MPP7: variants seen among roughly 807,000 people sequenced by gnomAD.
MPP7 encodes the protein MAGUK p55 subfamily member 7.
MPP7 carries 60 observed loss-of-function variants against 76.5 expected under a neutral mutation model. The ratio of observed to expected loss-of-function variants is 0.78; its 90% CI spans 0.64 to 0.97. The LOEUF (loss-of-function observed/expected upper bound fraction) is 0.97, where lower values mean the gene tolerates loss of function less well. Among genes scored for constraint, MPP7 ranks in the 50% least tolerant of loss-of-function variants. MPP7 has a pLI of 0.00. For missense variants in MPP7, 641 were observed against 694.0 expected, an observed-to-expected ratio of 0.92 and a Z score of 0.86; for synonymous variants, 237 against 244.5, an observed-to-expected ratio of 0.97 and a Z score of 0.29.
intron 2 of MPP7, among the ~76,000 whole-genome samples, chr10:28,227,467 C>A (rs1838732808): frequency 6.6e-6 from 1 of 152,078 alleles, no homozygotes; most frequent in South Asian, 2.1e-4. Flanking sequence ...TCCCTTCCCC[C>A]ACCCCCAACC....
Position 28,134,733 on chromosome 10 carries a change from T to C in MPP7, c.316-3042A>G, listed in dbSNP as rs531819926. ...TAAAAAGAAACCTATGCTTAATACA[T>C]CACAGCAGAAATACAAAATGGCAAA... On this transcript the variant is annotated intron_variant, in intron 5 of 16. Transcript: ENST00000683449. 4.3e-4 allele frequency among the ~76,000 whole-genome samples: 65 copies of C among 152,046 alleles called. 1 individual carries two copies. The South Asian group carries it at 0.012, about 27-fold the overall frequency.
In MPP7 at chr10:28,051,035, G is replaced by A. The variant is rs1851341809; in HGVS notation, c.*3030C>T. 6.6e-6 allele frequency: 1 copy of A among 152,134 alleles called. No homozygotes were observed. The highest frequency in any genetic ancestry group is 2.1e-4 in the South Asian group (1 of 4,822). 9.4% of individuals were successfully genotyped at this position (152,134 alleles called of 1,614,324 possible). ...TGAAATTTAATTTTAGACATGGCAA[G>A]TTCAATTACATCACTTCATATCACA... On this transcript the variant is annotated 3_prime_UTR_variant, in exon 17 of 17. Transcript: ENST00000683449.
At chr10:28,227,050 C>T (rs1342243726) in intron 2 of MPP7, among the ~76,000 whole-genome samples, 1 of 152,192 alleles carries the variant, frequency 6.6e-6, no homozygotes, top group Non-Finnish European at 1.5e-5. Context: ...AAAGAATACT[C>T]AGTGATTTTC....
rs1367007549 is a variant in MPP7, at chr10:28,124,128, G to A, written c.530-12C>T. ...AACATGAATAAGACCTGAGAAATAG[G>A]AGATTTGGTAAATTAGCAGTGTTAC... On this transcript the variant is annotated splice_polypyrimidine_tract_variant and intron_variant, in intron 7 of 16. Transcript: ENST00000683449. 1.9e-6 allele frequency: 3 copies of A among 1,580,786 alleles called. No homozygotes were observed. Among genetic ancestry groups the A allele is most frequent in the Non-Finnish European group, 1.7e-6 (2 of 1,150,170 alleles).
chr10:28,052,713 G>T lies in MPP7; in HGVS notation c.*1352C>A, dbSNP rs3802518. 1 of 151,832 alleles carries T rather than the reference G, an allele frequency of 6.6e-6. No individual in the cohort carries two copies. The highest frequency in any genetic ancestry group is 1.5e-5 in the Non-Finnish European group (1 of 67,966). The allele number at this position is 151,832 out of a possible 1,614,324, so 9.4% of individuals were successfully genotyped here. ...CTTTAAAATATTTCATAAATATATA[G>T]AATTTTACTACATTCTATTTTTTTT... On this transcript the variant is annotated 3_prime_UTR_variant, in exon 17 of 17. Transcript: ENST00000683449.
At chr10:28,311,241 G>T (rs1463035862) in intron 2 of MPP7, among the ~76,000 whole-genome samples, 1 of 152,036 alleles carries the variant, frequency 6.6e-6, no homozygotes, top group Admixed American at 6.6e-5. Flanking sequence ...TTTCCATGTG[G>T]TTTGCAATTG....
intron 1 of MPP7, 86 bp from the exon 2 acceptor site, chr10:28,238,821 C>G (rs1331855794): frequency 1.7e-6 from 1 of 582,554 alleles, no homozygotes; most frequent in Admixed American, 3.1e-5. Flanking sequence ...AATTCTCATC[C>G]CAATCACTAT....
chr10:28,293,126 GA>G (rs1298246340), intron 1 of MPP7, among the ~76,000 whole-genome samples: 4 of 149,452 alleles, frequency 2.7e-5, no homozygotes, highest in Non-Finnish European at 5.9e-5. Flanking sequence ...TCTGACAGGT[GA>G]AAAACAAAAG....
chr10:28,099,040 T>G (rs1853696240), intron 11 of MPP7, among the ~76,000 whole-genome samples: 1 of 152,322 alleles, frequency 6.6e-6, no homozygotes, highest in East Asian at 1.9e-4. Context: ...CAATGTAAAC[T>G]TATAATGTAC....
intron 3 of MPP7, among the ~76,000 whole-genome samples, chr10:28,192,085 T>TAA (rs1246724150): frequency 4.0e-5 from 6 of 151,238 alleles, no homozygotes; most frequent in Admixed American, 2.0e-4. Context: ...GACTCTGCCT[T>TAA]TAAAAAAAAA....
intron 1 of MPP7, among the ~76,000 whole-genome samples, chr10:28,254,351 C>G (rs1215482786): frequency 6.6e-6 from 1 of 152,042 alleles, no homozygotes; most frequent in Non-Finnish European, 1.5e-5. Context: ...TAAAAGGTTC[C>G]CAAGTGAAAA....
At chr10:28,082,522 C>A (rs1183942545) in intron 12 of MPP7, among the ~76,000 whole-genome samples, 1 of 152,068 alleles carries the variant, frequency 6.6e-6, no homozygotes, top group East Asian at 1.9e-4. Context: ...AGTGGTATAA[C>A]CACAGCTCTC....
chr10:28,237,789 T>C (rs1158884223), intron 2 of MPP7, among the ~76,000 whole-genome samples: 3 of 152,170 alleles, frequency 2.0e-5, no homozygotes, highest in Non-Finnish European at 2.9e-5. Context: ...TAAAAATGCA[T>C]GACATAAGGC....
At chr10:28,151,558 A>G (rs1835884217) in intron 3 of MPP7, among the ~76,000 whole-genome samples, 1 of 152,212 alleles carries the variant, frequency 6.6e-6, no homozygotes, top group South Asian at 2.1e-4. Flanking sequence ...GCTATAATAA[A>G]CATAGAGACT....
chr10:28,163,074 T>A (rs1241035522), intron 3 of MPP7, among the ~76,000 whole-genome samples: 1 of 152,072 alleles, frequency 6.6e-6, no homozygotes, highest in Non-Finnish European at 1.5e-5. Context: ...AGTCATAGGG[T>A]CCAGGGAGAA....
intron 5 of MPP7, among the ~76,000 whole-genome samples, chr10:28,139,705 T>C (rs929621499): frequency 6.6e-6 from 1 of 152,222 alleles, no homozygotes; most frequent in African/African-American, 2.4e-5. Flanking sequence ...TGCTCCATAG[T>C]AAAGACTTCG....
chr10:28,298,549 C>T (rs1479950916), intron 1 of MPP7, among the ~76,000 whole-genome samples: 1 of 152,162 alleles, frequency 6.6e-6, no homozygotes, highest in Non-Finnish European at 1.5e-5. Flanking sequence ...CTTTGTCGCT[C>T]CATTTATAGA....
In MPP7 at chr10:28,297,302, A is replaced by G. The variant is rs377161369; in HGVS notation, c.-132+5559T>C. ...ATCATCCGAGCCTTCAGGGAGTCATAATCTTTTTGCTGGTGGAGGATTTTG... is the reference window on the plus strand; with the variant it reads ...ATCATCCGAGCCTTCAGGGAGTCATGATCTTTTTGCTGGTGGAGGATTTTG... On this transcript the variant is annotated intron_variant, in intron 1 of 16. Transcript: ENST00000683449. 2.0e-5 allele frequency among the ~76,000 whole-genome samples: 3 copies of G among 152,182 alleles called. No homozygotes were observed. In the East Asian group the frequency reaches 5.8e-4, roughly 29 times the overall value.
intron 1 of MPP7, among the ~76,000 whole-genome samples, chr10:28,285,900 A>G (rs1037675520): frequency 9.2e-5 from 14 of 152,126 alleles, no homozygotes; most frequent in Non-Finnish European, 1.9e-4. Flanking sequence ...ATAAATGAAC[A>G]TAACTTTCTT....
Sources: gnomAD v4.1 joint callset for allele counts (sites outside exome capture counted in the v4.1 genomes callset) on GRCh38, gnomAD v4.1.1 for gene constraint, MANE v1.5 for transcripts, NCBI Gene and HGNC (gene_info 2026-07-23, HGNC 2026-07-21) for gene names.